The following EDIL3 variants were observed in gnomAD, a reference collection of about 807,000 sequenced individuals.
EDIL3 encodes EGF like and discoidin domains 3, also known as EGF-like repeat and discoidin I-like domain-containing protein 3.
EDIL3 carries 37 observed loss-of-function variants against 67.4 expected under a neutral mutation model. The ratio of observed to expected loss-of-function variants is 0.55; its 90% CI spans 0.42 to 0.72. The LOEUF is 0.72. Ranked by LOEUF, EDIL3 falls within the 30% of genes least tolerant of loss-of-function variation. The pLI, the probability that EDIL3 is intolerant of heterozygous loss-of-function variation, is 0.00. For missense variants in EDIL3, 527 were observed against 586.3 expected, an observed-to-expected ratio of 0.90 and a Z score of 1.04; for synonymous variants, 195 against 196.3, an observed-to-expected ratio of 0.99 and a Z score of 0.05.
At chr5:84,333,608 T>A (rs1022321808) in intron 1 of EDIL3, among the ~76,000 whole-genome samples, 1 of 152,134 alleles carries the variant, frequency 6.6e-6, no homozygotes, top group Non-Finnish European at 1.5e-5. Context: ...TTGTTTTTCA[T>A]TTTTTAAATT....
intron 3 of EDIL3, among the ~76,000 whole-genome samples, chr5:84,225,895 T>G (rs1367498494): frequency 2.0e-5 from 3 of 151,608 alleles, no homozygotes; most frequent in African/African-American, 7.2e-5. Context: ...AAATTATGCT[T>G]TTAAAATTCA....
chr5:84,022,828 A>G (rs771963641), intron 9 of EDIL3, among the ~76,000 whole-genome samples: 4 of 152,062 alleles, frequency 2.6e-5, no homozygotes, highest in African/African-American at 4.8e-5. Context: ...AGAAATAAAT[A>G]CTAAAGTTCA....
chr5:84,357,652 G>A (rs767046127), intron 1 of EDIL3, among the ~76,000 whole-genome samples: 5 of 152,134 alleles, frequency 3.3e-5, no homozygotes, highest in African/African-American at 1.2e-4. Context: ...ACGTGGGAAG[G>A]CTGAGGCAGG....
intron 9 of EDIL3, among the ~76,000 whole-genome samples, chr5:84,018,182 T>C (rs1745643665): frequency 6.6e-6 from 1 of 152,166 alleles, no homozygotes; most frequent in South Asian, 2.1e-4. Context: ...ATCAAAAGCA[T>C]ATATTAACTT....
At chr5:84,147,050 A>G (rs1481076992) in intron 4 of EDIL3, among the ~76,000 whole-genome samples, 2 of 152,128 alleles carry the variant, frequency 1.3e-5, no homozygotes, top group African/African-American at 4.8e-5. Flanking sequence ...TAAAGGTGAC[A>G]GATCCCCTGC....
chr5:84,166,514 C>T (rs1748706731), intron 4 of EDIL3, among the ~76,000 whole-genome samples: 1 of 152,086 alleles, frequency 6.6e-6, no homozygotes, highest in South Asian at 2.1e-4. Context: ...TATCAAGCAC[C>T]TATGATGAGC....
At chr5:84,247,572 A>C (rs1021776742) in intron 2 of EDIL3, among the ~76,000 whole-genome samples, 2 of 152,168 alleles carry the variant, frequency 1.3e-5, no homozygotes, top group Non-Finnish European at 2.9e-5. Context: ...TTTCATAATA[A>C]AATGAAAGCT....
intron 9 of EDIL3, among the ~76,000 whole-genome samples, chr5:84,041,592 G>GTATATACATATGTA (rs1746124425): frequency 6.8e-6 from 1 of 146,072 alleles, no homozygotes; most frequent in Non-Finnish European, 1.5e-5. Flanking sequence ...TACTATATAT[G>GTATATACATATGTA]TATATATGTA....
intron 3 of EDIL3, among the ~76,000 whole-genome samples, chr5:84,192,136 A>G (rs996617552): frequency 1.3e-5 from 2 of 151,778 alleles, no homozygotes; most frequent in East Asian, 3.9e-4. Context: ...ATAAACACTT[A>G]ATAATTGCAA....
chr5:84,014,589 C>T lies in EDIL3; in HGVS notation c.1137+45711G>A, dbSNP rs530660292. 1.1e-4 allele frequency among the ~76,000 whole-genome samples: 17 copies of T among 152,190 alleles called. No individual in the cohort carries two copies. The East Asian group carries it at 3.3e-3, about 29-fold the overall frequency. ...GAACCCAAGAGGCAGAGGTTGCAGT[C>T]AGCCGAGATCATGCCACTGCACTCC... On this transcript the variant is annotated intron_variant, in intron 9 of 10. Transcript: ENST00000296591.
At chr5:84,213,612 A>G (rs1335791965) in intron 3 of EDIL3, among the ~76,000 whole-genome samples, 1 of 152,186 alleles carries the variant, frequency 6.6e-6, no homozygotes, top group Non-Finnish European at 1.5e-5. Context: ...AAAACTCTAG[A>G]TATTTTCTTA....
chr5:84,029,984 T>C (rs901378443), intron 9 of EDIL3, among the ~76,000 whole-genome samples: 3 of 152,150 alleles, frequency 2.0e-5, no homozygotes, highest in Non-Finnish European at 4.4e-5. Flanking sequence ...ATTAGAATAA[T>C]CCAGCAATGA....
intron 2 of EDIL3, among the ~76,000 whole-genome samples, chr5:84,249,309 A>G (rs1056037754): frequency 1.3e-5 from 2 of 152,090 alleles, no homozygotes; most frequent in Non-Finnish European, 2.9e-5. Context: ...ACTTAGCTTA[A>G]AGCAAGACAT....
At chr5:84,303,243 T>C (rs182371196) in intron 1 of EDIL3, among the ~76,000 whole-genome samples, 4 of 152,334 alleles carry the variant, frequency 2.6e-5, no homozygotes, top group Admixed American at 2.6e-4. Flanking sequence ...ATAGCTGTAG[T>C]ATATTTGGAG....
At chr5:84,048,543 A>G (rs985569613) in intron 9 of EDIL3, among the ~76,000 whole-genome samples, 1 of 152,054 alleles carries the variant, frequency 6.6e-6, no homozygotes, top group Admixed American at 6.6e-5. Context: ...TTTGGTTGAA[A>G]TACTATGCAG....
chr5:84,046,225 TGGCAC>T (rs1746221589), intron 9 of EDIL3, among the ~76,000 whole-genome samples: 1 of 152,188 alleles, frequency 6.6e-6, no homozygotes, highest in African/African-American at 2.4e-5. Context: ...TGTTACAATG[TGGCAC>T]CACAAATTTA....
At chr5:84,083,439 C>A (rs760697602) in intron 6 of EDIL3, among the ~76,000 whole-genome samples, 4 of 152,190 alleles carry the variant, frequency 2.6e-5, no homozygotes, top group Non-Finnish European at 4.4e-5. Context: ...GTCTTGACCC[C>A]AGGATGTTAA....
At chr5:84,048,385 C>T (rs1580298435) in intron 9 of EDIL3, 3 of 239,540 alleles carry the variant, frequency 1.3e-5, no homozygotes, top group East Asian at 2.7e-4. Flanking sequence ...TTAAATAAGG[C>T]TTATTTAATT....
intron 3 of EDIL3, among the ~76,000 whole-genome samples, chr5:84,188,641 A>G (rs567428350): frequency 6.6e-6 from 1 of 151,776 alleles, no homozygotes; most frequent in Non-Finnish European, 1.5e-5. Context: ...GACTTTTTAA[A>G]AGAGATAATT....
Sources: allele counts gnomAD v4.1 joint callset (sites outside exome capture counted in the v4.1 genomes callset), GRCh38; gene constraint gnomAD v4.1.1; transcripts MANE v1.5; gene names NCBI Gene and HGNC (gene_info 2026-07-23, HGNC 2026-07-21).